ZNF600: variants seen among roughly 807,000 people sequenced by gnomAD.
The protein encoded by ZNF600 is zinc finger protein 600.
In ZNF600, 4 loss-of-function variants were observed where a neutral mutation model predicts 7.3. The ratio of observed to expected loss-of-function variants is 0.55; its 90% CI spans 0.27 to 1.25. ZNF600 has a LOEUF of 1.25. Ranked by LOEUF, ZNF600 falls within the 50% of genes most tolerant of loss-of-function variation. The pLI is 0.12. For missense variants in ZNF600, 911 were observed against 922.1 expected, an observed-to-expected ratio of 0.99 and a Z score of 0.16; for synonymous variants, 290 against 308.9, an observed-to-expected ratio of 0.94 and a Z score of 0.64.
chr19:52,798,370 G>A, the ZNF600 span: 2 of 357,060 alleles, frequency 5.6e-6, no homozygotes, highest in African/African-American at 4.3e-5. Flanking sequence ...CTCAAACTCA[G>A]GTCAGTGCTC....
chr19:52,773,476 C>T (rs1395165503), intron 3 of ZNF600, among the ~76,000 whole-genome samples: 3 of 143,138 alleles, frequency 2.1e-5, no homozygotes, highest in African/African-American at 7.8e-5. Flanking sequence ...TGTGTACACA[C>T]AAAAAAATAA....
chr19:52,783,602 C>G (rs1288992429), intron 1 of ZNF600, among the ~76,000 whole-genome samples: 1 of 152,180 alleles, frequency 6.6e-6, no homozygotes, highest in Non-Finnish European at 1.5e-5. Flanking sequence ...ACCTAGTGAT[C>G]CGCCCGCCTC....
At chr19:52,831,785 T>G in the ZNF600 span, among the ~76,000 whole-genome samples, 3 of 152,080 alleles carry the variant, frequency 2.0e-5, no homozygotes, top group South Asian at 6.2e-4. Context: ...ATTACAGGCA[T>G]GTGCCACTGC....
At chr19:52,767,055 G>A in exon 4 of ZNF600, 2 of 1,614,042 alleles carry the variant, frequency 1.2e-6, no homozygotes, top group South Asian at 1.1e-5. Context: ...ACGATGGCAT[G>A]TAAGGGATGA....
chr19:52,798,725 A>G, the ZNF600 span: 6 of 492,636 alleles, frequency 1.2e-5, no homozygotes, highest in South Asian at 1.0e-4. Context: ...ATGAATAGCA[A>G]TATATGAACG....
At chr19:52,798,382 T>C in the ZNF600 span, 3 of 371,186 alleles carry the variant, frequency 8.1e-6, no homozygotes, top group Non-Finnish European at 1.6e-5. Flanking sequence ...TCAGTGCTCA[T>C]TTAACTGTAA....
At chr19:52,786,231 C>G (rs1412039931) in intron 1 of ZNF600, among the ~76,000 whole-genome samples, 1 of 152,084 alleles carries the variant, frequency 6.6e-6, no homozygotes, top group Non-Finnish European at 1.5e-5. Context: ...TCAGGGGAAG[C>G]GAAGACTTGG....
chr19:52,813,249 GAAAAAA>G, the ZNF600 span, among the ~76,000 whole-genome samples: 14 of 62,984 alleles, frequency 2.2e-4, no homozygotes, highest in South Asian at 9.6e-4. Flanking sequence ...CTTGAATGGT[GAAAAAA>G]AAAAAAAAAA....
chr19:52,820,573 G>T, the ZNF600 span, among the ~76,000 whole-genome samples: 54 of 151,882 alleles, frequency 3.6e-4, no homozygotes, highest in African/African-American at 1.3e-3. Context: ...ATCCCCAGGT[G>T]TCCTCCCCGC....
At chr19:52,774,491 A>G in intron 3 of ZNF600, 84 bp downstream of exon 5, 1 of 984,610 alleles carries the variant, frequency 1.0e-6, no homozygotes, top group Non-Finnish European at 1.2e-6. Context: ...ATGGGGCAAA[A>G]TCACAAAAGA....
At chr19:52,832,037 T>A in the ZNF600 span, among the ~76,000 whole-genome samples, 1 of 152,222 alleles carries the variant, frequency 6.6e-6, no homozygotes. Flanking sequence ...GTTTTCTACA[T>A]AAACCATGGG....
intron 3 of ZNF600, among the ~76,000 whole-genome samples, chr19:52,768,132 C>G (rs1219462845): frequency 6.6e-6 from 1 of 151,314 alleles, no homozygotes; most frequent in African/African-American, 2.4e-5. Flanking sequence ...ATATTTAAAC[C>G]ATATTTACTG....
chr19:52,766,190 A>C (rs879055335), exon 4 of ZNF600: 1 of 1,612,784 alleles, frequency 6.2e-7, no homozygotes, highest in African/African-American at 1.3e-5. Context: ...AAGGTTTCTC[A>C]CCACTATGAA....
At chr19:52,812,842 G>A in the ZNF600 span, among the ~76,000 whole-genome samples, 100 of 148,620 alleles carry the variant, frequency 6.7e-4, 1 homozygote, top group Non-Finnish European at 1.1e-3. Context: ...AACTGGGCAA[G>A]CCTTTGAGGA....
the ZNF600 span, among the ~76,000 whole-genome samples, chr19:52,823,087 G>C: frequency 1.3e-5 from 2 of 152,084 alleles, no homozygotes; most frequent in African/African-American, 4.8e-5. Flanking sequence ...TTCAAGGAAG[G>C]TTACTTTATC....
At chr19:52,807,878 C>T in the ZNF600 span, 4 of 1,427,724 alleles carry the variant, frequency 2.8e-6, no homozygotes, top group Middle Eastern at 1.9e-4. Flanking sequence ...CCAGATGCTA[C>T]ATCATGAAGC....
At chr19:52,766,720 C>A (rs751827927) in exon 4 of ZNF600, 1 of 1,612,636 alleles carries the variant, frequency 6.2e-7, no homozygotes. Flanking sequence ...TTATGTCTTG[C>A]CAGCTGAGAA....
At chr19:52,825,646 G>A in the ZNF600 span, among the ~76,000 whole-genome samples, 1 of 152,046 alleles carries the variant, frequency 6.6e-6, no homozygotes, top group Non-Finnish European at 1.5e-5. Flanking sequence ...TGTTGACAGG[G>A]TGAGACACCG....
intron 1 of ZNF600, among the ~76,000 whole-genome samples, chr19:52,779,510 G>A (rs1345717975): frequency 6.6e-6 from 1 of 152,176 alleles, no homozygotes; most frequent in African/African-American, 2.4e-5. Flanking sequence ...CCAGCATCCA[G>A]AGAGTGGATG....
Sources: gnomAD v4.1 joint callset for allele counts (sites outside exome capture counted in the v4.1 genomes callset) on GRCh38, gnomAD v4.1.1 for gene constraint, MANE v1.5 for transcripts, NCBI Gene and HGNC (gene_info 2026-07-23, HGNC 2026-07-21) for gene names.